The following RANBP2 variants were observed in gnomAD, a reference collection of about 807,000 sequenced individuals.
RANBP2 encodes RAN binding protein 2, also known as E3 SUMO-protein ligase RanBP2.
A neutral mutation model predicts 303.6 loss-of-function variants in RANBP2; 57 were observed. That is an observed-to-expected ratio of 0.19 (90% CI 0.15 to 0.23). RANBP2 has a LOEUF of 0.23. Among genes scored for constraint, RANBP2 ranks in the 10% least tolerant of loss-of-function variants. The probability of loss-of-function intolerance (pLI) is 1.00; values close to 1 mark genes in which losing one functional copy is unlikely to be tolerated. For missense variants in RANBP2, 3,138 were observed against 3,780.8 expected (o/e 0.83, Z 4.46); for synonymous variants, 1,167 against 1,301.5 (o/e 0.90, Z 2.23).
chr2:109,154,374 G>C, the RANBP2 span, among the ~76,000 whole-genome samples: 1 of 152,186 alleles, frequency 6.6e-6, no homozygotes, highest in African/African-American at 2.4e-5. Context: ...TGGGTAGGGA[G>C]TACAGATACA....
chr2:109,188,946 T>C, the RANBP2 span, among the ~76,000 whole-genome samples: 1 of 151,520 alleles, frequency 6.6e-6, no homozygotes, highest in Non-Finnish European at 1.5e-5. Flanking sequence ...AAAAAAAACC[T>C]GAAAATGTTT....
At chr2:109,247,548 C>T in the RANBP2 span, among the ~76,000 whole-genome samples, 1 of 152,234 alleles carries the variant, frequency 6.6e-6, no homozygotes, top group Non-Finnish European at 1.5e-5. Flanking sequence ...GCCTGCTGTG[C>T]TCTTCCTGTG....
chr2:109,411,743 G>A, the RANBP2 span, among the ~76,000 whole-genome samples: 2 of 152,178 alleles, frequency 1.3e-5, no homozygotes, highest in African/African-American at 2.4e-5. Context: ...CGGGAGCCAC[G>A]CTCAGCCATG....
chr2:109,301,142 C>T, the RANBP2 span, among the ~76,000 whole-genome samples: 1 of 152,250 alleles, frequency 6.6e-6, no homozygotes, highest in Non-Finnish European at 1.5e-5. Flanking sequence ...TCACTAGCTG[C>T]AAGCCTTAGA....
At chr2:109,587,506 A>G in the RANBP2 span, among the ~76,000 whole-genome samples, 1 of 152,204 alleles carries the variant, frequency 6.6e-6, no homozygotes, top group Non-Finnish European at 1.5e-5. Context: ...AAAACTTTCT[A>G]ATTTTCTAAA....
the RANBP2 span, among the ~76,000 whole-genome samples, chr2:109,161,964 A>C: frequency 2.6e-5 from 4 of 151,948 alleles, no homozygotes; most frequent in African/African-American, 9.7e-5. Flanking sequence ...TGTGTATCTT[A>C]TATGTCGCAG....
the RANBP2 span, chr2:108,812,567 A>G: frequency 8.3e-7 from 1 of 1,210,424 alleles, no homozygotes; most frequent in African/African-American, 1.5e-5. Context: ...GTAGATTGGG[A>G]AACCCTTAGT....
the RANBP2 span, among the ~76,000 whole-genome samples, chr2:109,485,288 A>G: frequency 6.6e-6 from 1 of 152,264 alleles, no homozygotes; most frequent in Non-Finnish European, 1.5e-5. Flanking sequence ...AGGTAACTGA[A>G]TAAATGTGCA....
chr2:109,641,381 GT>G, the RANBP2 span, among the ~76,000 whole-genome samples: 1 of 152,166 alleles, frequency 6.6e-6, no homozygotes, highest in Non-Finnish European at 1.5e-5. Context: ...GCAAAATGTG[GT>G]CCATACACAC....
At chr2:109,194,740 G>A in the RANBP2 span, among the ~76,000 whole-genome samples, 4,594 of 152,294 alleles carry the variant, frequency 0.03, 98 homozygotes, top group Non-Finnish European at 0.045. Flanking sequence ...GCAGGCCGGG[G>A]ATGCTTCCAA....
At chr2:109,371,577 G>A in the RANBP2 span, 2 of 1,613,564 alleles carry the variant, frequency 1.2e-6, no homozygotes, top group African/African-American at 1.3e-5. Context: ...GGTGGACCCG[G>A]AACTGCAGGA....
At chr2:109,236,848 A>C in the RANBP2 span, among the ~76,000 whole-genome samples, 1 of 152,342 alleles carries the variant, frequency 6.6e-6, no homozygotes, top group Middle Eastern at 3.4e-3. Flanking sequence ...TTGCAGGTAC[A>C]GTCTCCGGCT....
At chr2:109,561,529 G>A in the RANBP2 span, among the ~76,000 whole-genome samples, 1 of 152,084 alleles carries the variant, frequency 6.6e-6, no homozygotes, top group Non-Finnish European at 1.5e-5. Flanking sequence ...ATTTTACCCA[G>A]TATTATTCAC....
the RANBP2 span, among the ~76,000 whole-genome samples, chr2:108,986,489 G>A: frequency 1.3e-5 from 2 of 152,144 alleles, no homozygotes; most frequent in African/African-American, 4.8e-5. Context: ...AGAGGACACA[G>A]GTTCTAGTCT....
the RANBP2 span, among the ~76,000 whole-genome samples, chr2:108,800,608 C>CT: frequency 6.7e-3 from 226 of 33,484 alleles, 1 homozygote; most frequent in Non-Finnish European, 8.5e-3. Flanking sequence ...CTCAGTTTAG[C>CT]TTTTTTTTTT....
At chr2:109,098,411 C>T in the RANBP2 span, among the ~76,000 whole-genome samples, 1 of 152,208 alleles carries the variant, frequency 6.6e-6, no homozygotes, top group South Asian at 2.1e-4. Context: ...GTCTCAATCT[C>T]CAGTGGGTGT....
chr2:109,089,432 C>T, the RANBP2 span, among the ~76,000 whole-genome samples: 1 of 151,262 alleles, frequency 6.6e-6, no homozygotes, highest in Admixed American at 6.6e-5. Context: ...GTGAGACCCC[C>T]ATCTCTATTT....
At chr2:109,239,670 G>A in the RANBP2 span, among the ~76,000 whole-genome samples, 1 of 152,172 alleles carries the variant, frequency 6.6e-6, no homozygotes, top group Non-Finnish European at 1.5e-5. Flanking sequence ...ATTTTTAAGA[G>A]CTTTCTTGGT....
the RANBP2 span, chr2:109,436,942 T>C: frequency 6.2e-7 from 1 of 1,613,424 alleles, no homozygotes; most frequent in Non-Finnish European, 8.5e-7. Context: ...AGTCGGAGGG[T>C]CTCCACTGGC....
Sources: gnomAD v4.1 joint callset for allele counts (sites outside exome capture counted in the v4.1 genomes callset) on GRCh38, gnomAD v4.1.1 for gene constraint, MANE v1.5 for transcripts, NCBI Gene and HGNC (gene_info 2026-07-23, HGNC 2026-07-21) for gene names.